The following ZCWPW2 variants were observed in gnomAD, a reference collection of about 807,000 sequenced individuals.
ZCWPW2 encodes zinc finger CW-type and PWWP domain containing 2.
A neutral mutation model predicts 46.6 loss-of-function variants in ZCWPW2; 45 were observed. The ratio of observed to expected loss-of-function variants is 0.96; its 90% confidence interval spans 0.76 to 1.24. The LOEUF is 1.24. Ranked by LOEUF, ZCWPW2 falls within the 50% of genes most tolerant of loss-of-function variation. The pLI is 0.00. For synonymous variants in ZCWPW2, 152 were observed against 137.1 expected (o/e 1.11, Z -0.76); for missense variants, 429 against 403.9 (o/e 1.06, Z -0.53).
chr3:28,379,043 G>A (rs1450216733), intron 1 of ZCWPW2, among the ~76,000 whole-genome samples: 1 of 152,122 alleles, frequency 6.6e-6, no homozygotes, highest in Non-Finnish European at 1.5e-5. Flanking sequence ...TGCTTCCATA[G>A]TATTCTATAT....
At chr3:28,460,474 C>G (rs1698588520) in intron 4 of ZCWPW2, among the ~76,000 whole-genome samples, 1 of 152,020 alleles carries the variant, frequency 6.6e-6, no homozygotes, top group African/African-American at 2.4e-5. Context: ...TCTAAATAAA[C>G]CATATTTGAT....
At chr3:28,399,709 C>T (rs754999919) in intron 2 of ZCWPW2, among the ~76,000 whole-genome samples, 7 of 152,110 alleles carry the variant, frequency 4.6e-5, no homozygotes, top group Non-Finnish European at 8.8e-5. Context: ...TCTTAGGAAG[C>T]CATGTCCATA....
intron 3 of ZCWPW2, among the ~76,000 whole-genome samples, chr3:28,422,631 C>T (rs1696839757): frequency 2.0e-5 from 3 of 152,112 alleles, no homozygotes; most frequent in Admixed American, 2.0e-4. Flanking sequence ...TGAAGGATAT[C>T]TTGGTTACTT....
chr3:28,491,957 T>G (rs771060224), intron 5 of ZCWPW2, among the ~76,000 whole-genome samples, 170 bp from the exon 6 acceptor site: 1 of 152,056 alleles, frequency 6.6e-6, no homozygotes, highest in East Asian at 1.9e-4. Flanking sequence ...ATTGCTCTAC[T>G]AAACAATGGA....
At chr3:28,414,252 T>C (rs867530334) in intron 3 of ZCWPW2, among the ~76,000 whole-genome samples, 1 of 151,736 alleles carries the variant, frequency 6.6e-6, no homozygotes, top group Non-Finnish European at 1.5e-5. Flanking sequence ...TTATCAATTG[T>C]TCTTGTGTTT....
At chr3:28,384,164 GTTTA>G (rs1005684550) in intron 1 of ZCWPW2, among the ~76,000 whole-genome samples, 7 of 152,166 alleles carry the variant, frequency 4.6e-5, no homozygotes, top group Admixed American at 2.6e-4. Flanking sequence ...CTACTTCTGT[GTTTA>G]TTTATTTGTT....
intron 1 of ZCWPW2, among the ~76,000 whole-genome samples, chr3:28,360,683 A>G (rs1260321657): frequency 1.3e-5 from 2 of 152,146 alleles, no homozygotes; most frequent in South Asian, 2.1e-4. Flanking sequence ...CATTAAAAAA[A>G]GAGATAACTG....
chr3:28,389,661 C>T (rs906698212), intron 1 of ZCWPW2, among the ~76,000 whole-genome samples: 20 of 152,190 alleles, frequency 1.3e-4, no homozygotes, highest in African/African-American at 4.8e-4. Context: ...ATTCCCAGTA[C>T]CAGAATCTGT....
intron 6 of ZCWPW2, among the ~76,000 whole-genome samples, chr3:28,496,220 T>C (rs377385904): frequency 6.6e-6 from 1 of 152,000 alleles, no homozygotes; most frequent in Non-Finnish European, 1.5e-5. Flanking sequence ...TTTACAGATA[T>C]GTAACAGGAA....
At chr3:28,385,652 T>G (rs558879530) in intron 1 of ZCWPW2, among the ~76,000 whole-genome samples, 4 of 152,188 alleles carry the variant, frequency 2.6e-5, no homozygotes, top group Non-Finnish European at 5.9e-5. Context: ...ACATTGTGGT[T>G]GACCAAAATT....
intron 6 of ZCWPW2, among the ~76,000 whole-genome samples, chr3:28,501,067 A>G (rs189793116): frequency 6.6e-6 from 1 of 152,198 alleles, no homozygotes; most frequent in African/African-American, 2.4e-5. Flanking sequence ...TTCAGTTTTC[A>G]GAGAAGAAAT....
chr3:28,514,366 A>G (rs952672078), intron 7 of ZCWPW2, among the ~76,000 whole-genome samples: 2 of 152,112 alleles, frequency 1.3e-5, no homozygotes, highest in African/African-American at 4.8e-5. Flanking sequence ...AAATAGTAAT[A>G]AAAACACGTT....
intron 3 of ZCWPW2, among the ~76,000 whole-genome samples, chr3:28,414,531 C>G (rs1696561299): frequency 6.7e-6 from 1 of 150,184 alleles, no homozygotes; most frequent in African/African-American, 2.5e-5. Flanking sequence ...TATGTATACA[C>G]GTGCCATGAT....
chr3:28,471,699 C>G (rs1468111675), intron 4 of ZCWPW2, among the ~76,000 whole-genome samples: 1 of 152,012 alleles, frequency 6.6e-6, no homozygotes. Context: ...ACAAGGATGC[C>G]CATTGTTATT....
intron 4 of ZCWPW2, among the ~76,000 whole-genome samples, chr3:28,467,636 C>G (rs1322990442): frequency 6.6e-6 from 1 of 152,158 alleles, no homozygotes; most frequent in African/African-American, 2.4e-5. Context: ...CCCCAGGTGA[C>G]TCACAGAGAG....
chr3:28,496,530 TTC>T (rs1419794088), intron 6 of ZCWPW2, among the ~76,000 whole-genome samples: 3 of 152,036 alleles, frequency 2.0e-5, no homozygotes, highest in African/African-American at 7.2e-5. Context: ...TAATTAGTTT[TTC>T]TTAGTTCCTA....
chr3:28,394,493 A>C (rs1055114868), intron 2 of ZCWPW2, among the ~76,000 whole-genome samples: 1 of 152,102 alleles, frequency 6.6e-6, no homozygotes, highest in Non-Finnish European at 1.5e-5. Context: ...AGAACAAAGC[A>C]TCACACTTGC....
At chr3:28,376,669 G>A (rs970421253) in intron 1 of ZCWPW2, among the ~76,000 whole-genome samples, 11 of 152,078 alleles carry the variant, frequency 7.2e-5, no homozygotes, top group Admixed American at 5.9e-4. Context: ...ATTGCTCATC[G>A]TAATCTTGGC....
intron 6 of ZCWPW2, among the ~76,000 whole-genome samples, chr3:28,502,122 G>C (rs1700158920): frequency 6.6e-6 from 1 of 151,996 alleles, no homozygotes. Context: ...CCTTCCAGAG[G>C]GTGATTTTAA....
Sources: allele counts gnomAD v4.1 joint callset (sites outside exome capture counted in the v4.1 genomes callset), GRCh38; gene constraint gnomAD v4.1.1; transcripts MANE v1.5; gene names NCBI Gene and HGNC (gene_info 2026-07-23, HGNC 2026-07-21).